The following PTPRG variants were observed in gnomAD, a reference collection of about 807,000 sequenced individuals.
PTPRG encodes protein tyrosine phosphatase receptor type G.
Under a neutral mutation model 165.3 loss-of-function variants are expected in PTPRG, and 102 were observed. That is an observed-to-expected ratio of 0.62 (90% CI 0.53 to 0.73). PTPRG has a LOEUF of 0.73. Among genes scored for constraint, PTPRG ranks in the 30% least tolerant of loss-of-function variants. The pLI is 0.00. For missense variants in PTPRG, 1,866 were observed against 1,861.4 expected, an observed-to-expected ratio of 1.00 and a Z score of -0.05; for synonymous variants, 675 against 669.5, an observed-to-expected ratio of 1.01 and a Z score of -0.13.
At chr3:61,877,635 C>T (rs1386179976) in intron 2 of PTPRG, among the ~76,000 whole-genome samples, 4 of 152,150 alleles carry the variant, frequency 2.6e-5, no homozygotes, top group South Asian at 2.1e-4. Context: ...ACTTGCACAT[C>T]GGAAACATGC....
chr3:61,886,571 C>T lies in PTPRG; in HGVS notation c.191-103054C>T, dbSNP rs75056726. 4.8e-4 allele frequency among the ~76,000 whole-genome samples: 73 copies of T among 152,206 alleles called. 1 individual carries two copies. In the East Asian group the frequency reaches 7.0e-3, roughly 15 times the overall value. On this transcript the variant is annotated intron_variant, in intron 2 of 29. Transcript: ENST00000474889. ...CCTTCCCCGCCCTGCCCCTTGCCAC[C>T]TCCACTGCTGTTAGGATCTGCAGAA... is the stretch of plus-strand genomic sequence containing the variant.
chr3:62,008,073 A>C (rs1163157608), intron 4 of PTPRG, among the ~76,000 whole-genome samples: 1 of 152,216 alleles, frequency 6.6e-6, no homozygotes, highest in Non-Finnish European at 1.5e-5. Context: ...GTCCAGCCAC[A>C]GTTATCTATG....
At chr3:61,729,223 C>T (rs2032391118) in intron 1 of PTPRG, among the ~76,000 whole-genome samples, 1 of 152,086 alleles carries the variant, frequency 6.6e-6, no homozygotes, top group Admixed American at 6.6e-5. Context: ...AAGGGGAGAA[C>T]ATTTGCACTA....
intron 2 of PTPRG, among the ~76,000 whole-genome samples, chr3:61,970,388 A>T (rs2040357097): frequency 6.6e-6 from 1 of 152,206 alleles, no homozygotes. Flanking sequence ...GGAAACATCT[A>T]AGGAGGGCTG....
chr3:61,580,727 G>T (rs527519636), intron 1 of PTPRG, among the ~76,000 whole-genome samples: 2 of 152,222 alleles, frequency 1.3e-5, no homozygotes, highest in East Asian at 3.9e-4. Flanking sequence ...AACCTAACTG[G>T]GTAAGTGTGT....
At chr3:61,739,284 A>T (rs1285019402) in intron 1 of PTPRG, 1 of 152,134 alleles carries the variant, frequency 6.6e-6, no homozygotes, top group Non-Finnish European at 1.5e-5. Context: ...GGAAGTTAGA[A>T]AAATCACTCT....
chr3:61,730,964 T>G (rs773771883), intron 1 of PTPRG, among the ~76,000 whole-genome samples: 6 of 152,236 alleles, frequency 3.9e-5, no homozygotes, highest in Non-Finnish European at 2.9e-5. Context: ...GAAATTGTCC[T>G]ATTTTCTGTA....
chr3:62,051,078 A>T (rs1177304305), intron 4 of PTPRG, among the ~76,000 whole-genome samples: 1 of 152,220 alleles, frequency 6.6e-6, no homozygotes. Flanking sequence ...TCTCTTACAG[A>T]GTACAGAAAG....
chr3:62,002,788 G>C (rs1365922472), intron 3 of PTPRG, among the ~76,000 whole-genome samples: 1 of 152,208 alleles, frequency 6.6e-6, no homozygotes, highest in Non-Finnish European at 1.5e-5. Context: ...CCTGGGTACT[G>C]TTATTAAATA....
chr3:61,797,081 C>T (rs2035069822), intron 2 of PTPRG, among the ~76,000 whole-genome samples: 1 of 152,174 alleles, frequency 6.6e-6, no homozygotes, highest in Non-Finnish European at 1.5e-5. Context: ...TAGAGGCCAG[C>T]CGGCACAGAA....
rs1159305045 is a variant in PTPRG, at chr3:61,641,427, G to T, written c.85+79055G>T. On this transcript the variant is annotated intron_variant, in intron 1 of 29. Coordinates refer to ENST00000474889, the MANE Select transcript of PTPRG (RefSeq NM_002841.4). ...GCAGGAATAGTGAGTAGTTTGTTAA[G>T]CAATAATTATTTTTATTAACTTGGG... 2.6e-5 allele frequency among the ~76,000 whole-genome samples: 4 copies of T among 152,264 alleles called. No homozygotes were observed. The East Asian group carries it at 7.7e-4, about 29-fold the overall frequency.
chr3:62,105,480 G>T (rs1702443812), intron 5 of PTPRG, among the ~76,000 whole-genome samples: 1 of 152,196 alleles, frequency 6.6e-6, no homozygotes, highest in Non-Finnish European at 1.5e-5. Flanking sequence ...CAATAGGAGA[G>T]TGAAGATCTC....
chr3:61,642,669 T>C (rs1050609939), intron 1 of PTPRG, among the ~76,000 whole-genome samples: 4 of 152,330 alleles, frequency 2.6e-5, no homozygotes, highest in Non-Finnish European at 5.9e-5. Flanking sequence ...CGGATTTGAC[T>C]TGGAAATGAA....
intron 2 of PTPRG, among the ~76,000 whole-genome samples, chr3:61,826,859 G>A (rs1227145820): frequency 2.7e-5 from 4 of 146,552 alleles, no homozygotes; most frequent in Admixed American, 6.8e-5. Context: ...CCGATTATGT[G>A]GTGGCAAAAC....
At chr3:62,209,078 T>G (rs1700297837) in intron 12 of PTPRG, among the ~76,000 whole-genome samples, 1 of 152,234 alleles carries the variant, frequency 6.6e-6, no homozygotes, top group Non-Finnish European at 1.5e-5. Context: ...TGATTTCAGA[T>G]GCAGTATTAA....
intron 4 of PTPRG, among the ~76,000 whole-genome samples, chr3:62,059,725 C>A (rs1171079195): frequency 6.6e-6 from 1 of 152,168 alleles, no homozygotes; most frequent in African/African-American, 2.4e-5. Context: ...TTTCCATAAT[C>A]CTCACATGTC....
At chr3:62,275,271 T>G (rs533925507) in intron 23 of PTPRG, among the ~76,000 whole-genome samples, 15 of 152,194 alleles carry the variant, frequency 9.9e-5, no homozygotes, top group Non-Finnish European at 1.9e-4. Flanking sequence ...CTCCTTTATC[T>G]TCAAGAAACT....
intron 6 of PTPRG, among the ~76,000 whole-genome samples, chr3:62,139,039 A>G (rs1215919934): frequency 3.9e-5 from 6 of 152,168 alleles, no homozygotes; most frequent in Admixed American, 2.0e-4. Context: ...TTGGTATTTT[A>G]TCATTGTCTG....
intron 12 of PTPRG, among the ~76,000 whole-genome samples, chr3:62,218,291 A>G (rs1249677762): frequency 6.6e-6 from 1 of 152,208 alleles, no homozygotes; most frequent in East Asian, 1.9e-4. Flanking sequence ...CTGTTAGGGA[A>G]AGGTGGTTTC....
Sources: gnomAD v4.1 joint callset for allele counts (sites outside exome capture counted in the v4.1 genomes callset) on GRCh38, gnomAD v4.1.1 for gene constraint, MANE v1.5 for transcripts, NCBI Gene and HGNC (gene_info 2026-07-23, HGNC 2026-07-21) for gene names.